Variants in PLCE1 observed in about 807,000 individuals in gnomAD.
The protein encoded by PLCE1 is 1-phosphatidylinositol 4,5-bisphosphate phosphodiesterase epsilon-1.
Under a neutral mutation model 242.8 loss-of-function variants are expected in PLCE1, and 119 were observed. That is an observed-to-expected ratio of 0.49 (90% CI 0.42 to 0.57). The LOEUF is 0.57. Among genes scored for constraint, PLCE1 ranks in the 20% least tolerant of loss-of-function variants. The pLI is 0.00. For synonymous variants in PLCE1, 945 were observed against 1,017.4 expected (o/e 0.93, Z 1.35); for missense variants, 2,441 against 2,788.8 (o/e 0.88, Z 2.81).
At chr10:94,050,401 T>G (rs1475890825) in intron 2 of PLCE1, among the ~76,000 whole-genome samples, 2 of 152,062 alleles carry the variant, frequency 1.3e-5, no homozygotes, top group African/African-American at 2.4e-5. Context: ...TGGGGGAAAC[T>G]TCCCCCATGA....
Position 94,150,172 on chromosome 10 carries a change from C to T in PLCE1, c.1492+17713C>T, listed in dbSNP as rs151138004. On this transcript the variant is annotated intron_variant, in intron 3 of 32. Coordinates refer to ENST00000371380, the MANE Select transcript of PLCE1 (RefSeq NM_016341.4). ...ATGGAAACATGCGGGCCTTCCACTACGGCCCCGCCGCTGTGCTGAGTGTTG... is the reference window on the plus strand; with the variant it reads ...ATGGAAACATGCGGGCCTTCCACTATGGCCCCGCCGCTGTGCTGAGTGTTG... 3.3e-3 allele frequency among the ~76,000 whole-genome samples: 495 copies of T among 152,304 alleles called. 3 individuals are homozygous for T. Among genetic ancestry groups the T allele is most frequent in the African/African-American group, 0.011 (462 of 41,566 alleles).
intron 20 of PLCE1, among the ~76,000 whole-genome samples, chr10:94,280,994 G>T (rs1046823851): frequency 4.6e-5 from 7 of 152,186 alleles, no homozygotes; most frequent in Non-Finnish European, 8.8e-5. Flanking sequence ...CCAATTAAAA[G>T]CCAGTTTGCT....
rs1376352461 is a variant in PLCE1, at chr10:94,207,099, TC to T, written c.1810-20204del. ...ACCATTTACAAAGAACAAGCAGCTT[TC>T]CCATCTTCCATTCCCTCTTCCCTTT... is the stretch of plus-strand genomic sequence containing the variant. On this transcript the variant is annotated intron_variant, in intron 4 of 32. Coordinates refer to ENST00000371380, the MANE Select transcript of PLCE1 (RefSeq NM_016341.4). 3.9e-5 allele frequency among the ~76,000 whole-genome samples: 6 copies of T among 152,220 alleles called. No individual in the cohort carries two copies. In the East Asian group the frequency reaches 1.2e-3, roughly 29 times the overall value.
chr10:94,131,234 C>A (rs2046589891), intron 2 of PLCE1, among the ~76,000 whole-genome samples: 1 of 152,320 alleles, frequency 6.6e-6, no homozygotes, highest in African/African-American at 2.4e-5. Context: ...TATACACTAT[C>A]CAGAAGTCTC....
chr10:94,212,327 G>A (rs550111683), intron 4 of PLCE1, among the ~76,000 whole-genome samples: 1 of 152,190 alleles, frequency 6.6e-6, no homozygotes, highest in Non-Finnish European at 1.5e-5. Flanking sequence ...TGCCATCTCA[G>A]CTCACTGCAA....
chr10:94,075,166 C>T (rs773846712), intron 2 of PLCE1, among the ~76,000 whole-genome samples: 3 of 152,166 alleles, frequency 2.0e-5, no homozygotes, highest in Admixed American at 6.5e-5. Context: ...TCTCTCCTCT[C>T]GGTTCTGTAG....
chr10:94,305,167 G>A (rs569741790), intron 25 of PLCE1, among the ~76,000 whole-genome samples: 15 of 152,112 alleles, frequency 9.9e-5, no homozygotes, highest in African/African-American at 1.4e-4. Context: ...GGTGGCTCAC[G>A]CCTGTAATCC....
chr10:94,032,176 G>A lies in PLCE1; in HGVS notation c.1130G>A (p.Arg377Lys), dbSNP rs780040765. The A allele has an allele frequency of 2.5e-6, 4 of 1,611,356 alleles. No individual in the cohort carries two copies. The highest frequency in any genetic ancestry group is 4.5e-5 in the East Asian group (2 of 44,840). ...AATGGTCCCTTACTGCCTTGTGGGA[G>A]AGTAATGGAACCCCCGTCAACAGTG... ...KRNGPLLPCG[R>K]VMEPPSTVEI... The change falls in exon 2 of 33, where the codon AGA becomes AAA. Residue 377 changes from arginine to lysine, a missense_variant. Arg to Lys is a conservative substitution (Grantham distance 26). Transcript: ENST00000371380.
chr10:94,148,626 G>T (rs1482870669), intron 3 of PLCE1, among the ~76,000 whole-genome samples: 1 of 151,972 alleles, frequency 6.6e-6, no homozygotes, highest in African/African-American at 2.4e-5. Context: ...TGAGAAAGTT[G>T]GAATTTTTTA....
intron 1 of PLCE1, among the ~76,000 whole-genome samples, chr10:94,028,659 T>A (rs1205986391): frequency 6.6e-6 from 1 of 152,008 alleles, no homozygotes; most frequent in East Asian, 1.9e-4. Context: ...AGATAATAAT[T>A]GCAAAGTGGC....
chr10:94,099,094 TTGG>T (rs1398962373), intron 2 of PLCE1, among the ~76,000 whole-genome samples: 2 of 152,324 alleles, frequency 1.3e-5, no homozygotes, highest in East Asian at 3.9e-4. Flanking sequence ...CAGCTCAGTG[TTGG>T]GAAGTCAAGT....
At chr10:94,050,968 C>T (rs1334915413) in intron 2 of PLCE1, among the ~76,000 whole-genome samples, 9 of 152,168 alleles carry the variant, frequency 5.9e-5, no homozygotes, top group Admixed American at 5.9e-4. Context: ...TGGTTCTGCT[C>T]CTAACTCTGG....
chr10:94,223,437 A>G (rs34911703), intron 4 of PLCE1, among the ~76,000 whole-genome samples: 31,927 of 152,038 alleles, frequency 0.21, 3,947 homozygotes, highest in East Asian at 0.3. Flanking sequence ...GGACACAAGC[A>G]AGACATGGTG....
At chr10:94,297,426 C>T (rs1414251945) in intron 23 of PLCE1, among the ~76,000 whole-genome samples, 1 of 151,768 alleles carries the variant, frequency 6.6e-6, no homozygotes, top group Non-Finnish European at 1.5e-5. Flanking sequence ...TCGAAGATCA[C>T]TCGTCACAGA....
At chr10:94,016,960 A>G (rs974090498) in intron 1 of PLCE1, among the ~76,000 whole-genome samples, 1 of 152,192 alleles carries the variant, frequency 6.6e-6, no homozygotes, top group Admixed American at 6.5e-5. Flanking sequence ...ACTATACTTA[A>G]CATGCTTCCT....
chr10:94,056,932 A>G (rs1444412909), intron 2 of PLCE1, among the ~76,000 whole-genome samples: 2 of 150,116 alleles, frequency 1.3e-5, no homozygotes, highest in Non-Finnish European at 2.9e-5. Context: ...GGCGTTTTTC[A>G]CTTAGTGTAA....
rs2050682189 is a variant in PLCE1 at position 94,246,417 on chromosome 10, C to T, written c.2892C>T (p.Ser964=). The change falls in exon 8 of 33, where the codon AGC becomes AGT. Residue 964 remains serine, a synonymous_variant. Coordinates refer to ENST00000371380, the MANE Select transcript of PLCE1 (RefSeq NM_016341.4). The part of the protein sequence containing the change: ...HTVCVQNKLG[S]MFLSETGVTL... ...TGTGTGTTCAGAACAAACTGGGTAG[C>T]ATGTTCCTGTCAGAGACTGGTGTGA... 1 of 1,614,012 alleles carries T rather than the reference C, an allele frequency of 6.2e-7. No homozygotes were observed. The highest frequency in any genetic ancestry group is 1.3e-5 in the African/African-American group (1 of 74,926).
At chr10:94,239,104 C>T (rs1033308740) in intron 7 of PLCE1, among the ~76,000 whole-genome samples, 1 of 152,186 alleles carries the variant, frequency 6.6e-6, no homozygotes, top group African/African-American at 2.4e-5. Context: ...AATTGCACGG[C>T]ATACTATAAG....
Position 94,266,409 on chromosome 10 carries a change from A to G in PLCE1, c.4281+451A>G, listed in dbSNP as rs1014009035. 5.0e-5 allele frequency among the ~76,000 whole-genome samples: 7 copies of G among 140,730 alleles called. 1 individual carries two copies. The highest frequency in any genetic ancestry group is 1.6e-4 in the African/African-American group (6 of 36,518). 92.3% of individuals were successfully genotyped at this position (140,730 alleles called of 152,430 possible). A position where few individuals can be genotyped will look rare whatever the true frequency, so the allele number is the denominator to read the frequency against. The stretch of plus-strand genomic sequence containing the variant: ...TGCTTTTCAGTTTGTTAAATAATCA[A>G]TCTATCCCTATGGTAACCAAAAAAA... On this transcript the variant is annotated intron_variant, in intron 16 of 32. Coordinates refer to ENST00000371380, the MANE Select transcript of PLCE1 (RefSeq NM_016341.4).
Sources: gnomAD v4.1 joint callset for allele counts (sites outside exome capture counted in the v4.1 genomes callset) on GRCh38, gnomAD v4.1.1 for gene constraint, MANE v1.5 for transcripts, NCBI Gene and HGNC (gene_info 2026-07-23, HGNC 2026-07-21) for gene names.